Variants in DGKB observed in about 807,000 individuals in gnomAD.
DGKB encodes the protein 90 kDa diacylglycerol kinase.
Under a neutral mutation model 114.3 loss-of-function variants are expected in DGKB, and 67 were observed. That is an observed-to-expected ratio of 0.59 (90% CI 0.48 to 0.72). The LOEUF (loss-of-function observed/expected upper bound fraction) is 0.72. Among genes scored for constraint, DGKB ranks in the 30% least tolerant of loss-of-function variants. The probability of loss-of-function intolerance (pLI) is 0.00; values close to 1 mark genes in which losing one functional copy is unlikely to be tolerated. For synonymous variants in DGKB, 398 were observed against 323.1 expected (o/e 1.23, Z -2.49); for missense variants, 907 against 975.2 (o/e 0.93, Z 0.93).
Position 14,630,392 on chromosome 7 carries a change from G to T in DGKB, c.1135-124C>A. On this transcript the variant is annotated intron_variant, in intron 13 of 25. Transcript: ENST00000402815. ...GAGTAAATTAAAAATACATTTCCTT[G>T]GTATAATTTTACTGCTTCCTTGAAT... 5.1e-6 allele frequency: 3 copies of T among 593,958 alleles called. No homozygotes were observed. The South Asian group carries it at 9.3e-5, about 18-fold the overall frequency. 36.8% of individuals were successfully genotyped at this position (593,958 alleles called of 1,614,324 possible).
rs147735584 is a variant in DGKB, at chr7:14,559,385, C to T, written c.1770+14827G>A. On this transcript the variant is annotated intron_variant, in intron 20 of 25. Coordinates refer to ENST00000402815, the MANE Select transcript of DGKB (RefSeq NM_001350709.2). ...ATCATTTTGGAGGAAGGGGGCACAG[C>T]GTAGAGGGTAATGGTCTGCTCATTC... Among the ~76,000 whole-genome samples, 499 of 152,184 alleles carry T rather than the reference C, an allele frequency of 3.3e-3. 9 individuals carry two copies. The highest frequency in any genetic ancestry group is 0.026 in the Admixed American group (396 of 15,282).
upstream of DGKB, among the ~76,000 whole-genome samples, chr7:14,903,769 G>C (rs1783483219): frequency 6.6e-6 from 1 of 152,162 alleles, no homozygotes; most frequent in South Asian, 2.1e-4. Context: ...GTAAAATAGT[G>C]TATTAGGGTA....
At chr7:14,785,696 T>C (rs528657637) in intron 2 of DGKB, among the ~76,000 whole-genome samples, 1 of 152,290 alleles carries the variant, frequency 6.6e-6, no homozygotes, top group Admixed American at 6.5e-5. Context: ...GCTGAAATTC[T>C]AAAATAGAAA....
At chr7:14,347,568 T>A (rs1812692301) in intron 21 of DGKB, among the ~76,000 whole-genome samples, 1 of 151,684 alleles carries the variant, frequency 6.6e-6, no homozygotes, top group Non-Finnish European at 1.5e-5. Context: ...TCAAAAAAAG[T>A]CAAATACATA....
intron 2 of DGKB, among the ~76,000 whole-genome samples, chr7:14,802,878 A>G (rs1465314103): frequency 6.6e-6 from 1 of 152,158 alleles, no homozygotes; most frequent in African/African-American, 2.4e-5. Flanking sequence ...CACATAGAGA[A>G]TGCTTATTTT....
At chr7:14,156,387 C>A (rs970937677) in intron 25 of DGKB, among the ~76,000 whole-genome samples, 1 of 152,070 alleles carries the variant, frequency 6.6e-6, no homozygotes, top group Admixed American at 6.6e-5. Flanking sequence ...TAAATGATTT[C>A]GGCTTTGTGG....
chr7:14,789,258 G>T (rs926123509), intron 2 of DGKB, among the ~76,000 whole-genome samples: 2 of 152,004 alleles, frequency 1.3e-5, no homozygotes, highest in African/African-American at 4.8e-5. Context: ...GACCAACACT[G>T]TCACCACAAA....
intron 23 of DGKB, among the ~76,000 whole-genome samples, chr7:14,330,526 C>T (rs556902535): frequency 6.6e-6 from 1 of 152,050 alleles, no homozygotes; most frequent in Non-Finnish European, 1.5e-5. Context: ...AATGGCTTTG[C>T]AGTCTTACCA....
chr7:14,900,661 G>T (rs1351238291), intron 1 of DGKB, among the ~76,000 whole-genome samples: 1 of 152,116 alleles, frequency 6.6e-6, no homozygotes, highest in African/African-American at 2.4e-5. Context: ...GTTTTAAATT[G>T]TTAAAACAAT....
At chr7:14,588,516 C>T (rs1327291483) in intron 17 of DGKB, among the ~76,000 whole-genome samples, 1 of 151,980 alleles carries the variant, frequency 6.6e-6, no homozygotes, top group Admixed American at 6.6e-5. Context: ...GTGTGAAGTA[C>T]TTTCTTTTCT....
At chr7:14,404,349 A>G (rs999524795) in intron 21 of DGKB, among the ~76,000 whole-genome samples, 7 of 151,684 alleles carry the variant, frequency 4.6e-5, no homozygotes, top group African/African-American at 1.5e-4. Context: ...TTTTTATTGA[A>G]TATTATGCTG....
chr7:14,958,940 A>G (rs1237508267), intron 1 of DGKB, among the ~76,000 whole-genome samples: 1 of 152,094 alleles, frequency 6.6e-6, no homozygotes, highest in Non-Finnish European at 1.5e-5. Flanking sequence ...TCAGAATATC[A>G]GAATCCAAAT....
chr7:14,693,319 T>G (rs1453891449), intron 9 of DGKB, among the ~76,000 whole-genome samples: 1 of 152,088 alleles, frequency 6.6e-6, no homozygotes, highest in African/African-American at 2.4e-5. Flanking sequence ...ACACTATAGA[T>G]TTCATCAGAT....
At chr7:14,672,115 G>A (rs897426630) in intron 13 of DGKB, among the ~76,000 whole-genome samples, 2 of 151,880 alleles carry the variant, frequency 1.3e-5, no homozygotes, top group African/African-American at 4.8e-5. Flanking sequence ...TACAAAATGA[G>A]TAATATGATT....
intron 5 of DGKB, among the ~76,000 whole-genome samples, chr7:14,720,043 A>C (rs1828876132): frequency 6.6e-6 from 1 of 152,112 alleles, no homozygotes; most frequent in Non-Finnish European, 1.5e-5. Flanking sequence ...GTTCAAGGCC[A>C]ATCATAAAAG....
intron 23 of DGKB, among the ~76,000 whole-genome samples, chr7:14,242,606 G>A (rs1374417420): frequency 6.6e-6 from 1 of 152,062 alleles, no homozygotes; most frequent in Non-Finnish European, 1.5e-5. Context: ...AGCAAATCCT[G>A]ACGGTTGTTC....
At chr7:14,381,469 G>A (rs775540181) in intron 21 of DGKB, among the ~76,000 whole-genome samples, 12 of 152,192 alleles carry the variant, frequency 7.9e-5, no homozygotes, top group Non-Finnish European at 1.2e-4. Context: ...TAGGAATAAT[G>A]TGTGTACATA....
At chr7:14,358,134 G>C (rs1814952828) in intron 21 of DGKB, among the ~76,000 whole-genome samples, 1 of 151,968 alleles carries the variant, frequency 6.6e-6, no homozygotes, top group Admixed American at 6.5e-5. Context: ...TTTGAATGTT[G>C]GCCTGCCTTG....
chr7:14,281,818 A>G (rs1366296679), intron 23 of DGKB, among the ~76,000 whole-genome samples: 1 of 149,466 alleles, frequency 6.7e-6, no homozygotes, highest in Non-Finnish European at 1.5e-5. Context: ...ACCAACGAGA[A>G]CAAAGACACA....
Sources: gnomAD v4.1 joint callset for allele counts (sites outside exome capture counted in the v4.1 genomes callset) on GRCh38, gnomAD v4.1.1 for gene constraint, MANE v1.5 for transcripts, NCBI Gene and HGNC (gene_info 2026-07-23, HGNC 2026-07-21) for gene names.